Variants in HS6ST3 observed in about 807,000 individuals in gnomAD.
HS6ST3 encodes the protein heparan sulfate 6-O-sulfotransferase 3, also known as heparan-sulfate 6-O-sulfotransferase 3.
A neutral mutation model predicts 36.7 loss-of-function variants in HS6ST3; 12 were observed. The observed-to-expected ratio is 0.33, with a 90% CI of 0.21 to 0.53. The LOEUF is 0.53. HS6ST3 is among the 20% of genes least tolerant of loss of function. The pLI is 0.95. For synonymous variants in HS6ST3, 240 were observed against 257.5 expected, an observed-to-expected ratio of 0.93 and a Z score of 0.65; for missense variants, 584 against 640.9, an observed-to-expected ratio of 0.91 and a Z score of 0.96.
At chr13:96,559,048 C>G (rs1369183769) in intron 1 of HS6ST3, among the ~76,000 whole-genome samples, 1 of 152,044 alleles carries the variant, frequency 6.6e-6, no homozygotes, top group East Asian at 1.9e-4. Context: ...CCATTTTAAC[C>G]AATTCTAAGT....
At chr13:96,581,365 G>T (rs2056341501) in intron 1 of HS6ST3, among the ~76,000 whole-genome samples, 1 of 151,954 alleles carries the variant, frequency 6.6e-6, no homozygotes, top group Non-Finnish European at 1.5e-5. Context: ...GACTACAGGT[G>T]TATGTCACCA....
chr13:96,346,398 C>A (rs1228293564), intron 1 of HS6ST3, among the ~76,000 whole-genome samples: 1 of 151,886 alleles, frequency 6.6e-6, no homozygotes, highest in Non-Finnish European at 1.5e-5. Flanking sequence ...AACGGTGAAA[C>A]CCTATCTCTC....
intron 1 of HS6ST3, among the ~76,000 whole-genome samples, chr13:96,111,116 G>A (rs185697577): frequency 3.9e-5 from 6 of 152,266 alleles, no homozygotes; most frequent in African/African-American, 1.2e-4. Flanking sequence ...TGACTGTGCA[G>A]GATCACTCCC....
At chr13:96,550,124 C>T (rs1206518822) in intron 1 of HS6ST3, among the ~76,000 whole-genome samples, 1 of 151,998 alleles carries the variant, frequency 6.6e-6, no homozygotes, top group Non-Finnish European at 1.5e-5. Flanking sequence ...GTTGTGTGTC[C>T]CCTCCAAATT....
chr13:96,305,724 C>T (rs147177696), intron 1 of HS6ST3, among the ~76,000 whole-genome samples: 10 of 152,136 alleles, frequency 6.6e-5, no homozygotes, highest in Non-Finnish European at 1.3e-4. Context: ...ACATGTGTCC[C>T]ACAGTAATAT....
chr13:96,150,872 C>G (rs1202172962), intron 1 of HS6ST3, among the ~76,000 whole-genome samples: 1 of 152,092 alleles, frequency 6.6e-6, no homozygotes, highest in Non-Finnish European at 1.5e-5. Context: ...AACTATATAA[C>G]TGTATATAAT....
intron 1 of HS6ST3, among the ~76,000 whole-genome samples, chr13:96,522,734 T>C (rs1047831971): frequency 6.6e-6 from 1 of 152,138 alleles, no homozygotes; most frequent in Non-Finnish European, 1.5e-5. Flanking sequence ...CCTCCATCCC[T>C]TTATGTTGAG....
rs145942228 is a variant in HS6ST3 at position 96,237,869 on chromosome 13, A to G, written c.707+146300A>G. The stretch of plus-strand genomic sequence containing the variant: ...ACCCTCTTGTTTTTCTTCATATCTC[A>G]CTCGATGACTTTTCATTGTTCTGCC... On this transcript the variant is annotated intron_variant, in intron 1 of 1. Transcript: ENST00000376705. Among the ~76,000 whole-genome samples the G allele has an allele frequency of 5.3e-5, 8 of 151,514 alleles. No individual in the cohort carries two copies. The East Asian group carries it at 1.6e-3, about 29-fold the overall frequency.
At chr13:96,444,564 A>T (rs961913548) in intron 1 of HS6ST3, among the ~76,000 whole-genome samples, 1 of 152,188 alleles carries the variant, frequency 6.6e-6, no homozygotes, top group Admixed American at 6.5e-5. Flanking sequence ...GGATCTTAAA[A>T]TTTTTATTTT....
intron 1 of HS6ST3, among the ~76,000 whole-genome samples, chr13:96,596,160 A>G (rs2056400711): frequency 6.6e-6 from 1 of 152,066 alleles, no homozygotes; most frequent in Admixed American, 6.6e-5. Flanking sequence ...TTCCATATCC[A>G]TGGCTTAGCT....
At chr13:96,665,615 TG>T (rs140011589) in intron 1 of HS6ST3, among the ~76,000 whole-genome samples, 3,668 of 152,092 alleles carry the variant, frequency 0.024, 108 homozygotes, top group African/African-American at 0.07. Context: ...GGGGCAAAAA[TG>T]TACAAATTTC....
intron 1 of HS6ST3, among the ~76,000 whole-genome samples, chr13:96,129,975 C>T (rs2053968373): frequency 6.6e-6 from 1 of 152,084 alleles, no homozygotes; most frequent in Non-Finnish European, 1.5e-5. Flanking sequence ...TTTGTCATGC[C>T]AGCCCTAGGA....
chr13:96,123,108 C>A (rs113721210), intron 1 of HS6ST3, among the ~76,000 whole-genome samples: 1 of 152,076 alleles, frequency 6.6e-6, no homozygotes, highest in Non-Finnish European at 1.5e-5. Flanking sequence ...CTTCAACATG[C>A]CTTATAAGTT....
At chr13:96,615,812 A>G (rs1218707046) in intron 1 of HS6ST3, among the ~76,000 whole-genome samples, 1 of 152,176 alleles carries the variant, frequency 6.6e-6, no homozygotes, top group Non-Finnish European at 1.5e-5. Flanking sequence ...GAATGTACCA[A>G]AAGCTGATTT....
chr13:96,656,419 T>A (rs1165040991), intron 1 of HS6ST3, among the ~76,000 whole-genome samples: 1 of 152,136 alleles, frequency 6.6e-6, no homozygotes, highest in African/African-American at 2.4e-5. Flanking sequence ...AAAGTTCAGA[T>A]CTAGAAGTTA....
chr13:96,626,012 A>ATT (rs71117603), intron 1 of HS6ST3, among the ~76,000 whole-genome samples: 7 of 149,366 alleles, frequency 4.7e-5, no homozygotes, highest in African/African-American at 1.7e-4. Flanking sequence ...AATTTTTTGT[A>ATT]TTTTTTTTTT....
intron 1 of HS6ST3, among the ~76,000 whole-genome samples, chr13:96,634,568 T>C (rs2056542633): frequency 6.6e-6 from 1 of 152,168 alleles, no homozygotes; most frequent in African/African-American, 2.4e-5. Flanking sequence ...TAGAAAGGTA[T>C]TTGAAGACTT....
chr13:96,355,367 AC>A (rs2055204582), intron 1 of HS6ST3, among the ~76,000 whole-genome samples: 1 of 52,788 alleles, frequency 1.9e-5, no homozygotes, highest in African/African-American at 1.0e-4. Flanking sequence ...TTACACACAC[AC>A]ACACACACAC....
At chr13:96,385,434 G>A (rs1312600160) in intron 1 of HS6ST3, among the ~76,000 whole-genome samples, 1 of 152,122 alleles carries the variant, frequency 6.6e-6, no homozygotes, top group Non-Finnish European at 1.5e-5. Context: ...GACTTTGGTA[G>A]TAATTCCAGA....
Sources: gnomAD v4.1 joint callset for allele counts (sites outside exome capture counted in the v4.1 genomes callset) on GRCh38, gnomAD v4.1.1 for gene constraint, MANE v1.5 for transcripts, NCBI Gene and HGNC (gene_info 2026-07-23, HGNC 2026-07-21) for gene names.